The following RBM6 variants were observed in gnomAD, a reference collection of about 807,000 sequenced individuals.
RBM6 encodes the protein RNA binding motif protein 6, also known as RNA-binding protein 6.
RBM6 carries 23 observed loss-of-function variants against 140.4 expected under a neutral mutation model. That is an observed-to-expected ratio of 0.16 (90% CI 0.12 to 0.23). RBM6 has a LOEUF of 0.23. RBM6 is among the 10% of genes least tolerant of loss of function. The probability of loss-of-function intolerance (pLI) is 1.00; values close to 1 mark genes in which losing one functional copy is unlikely to be tolerated. For missense variants in RBM6, 1,139 were observed against 1,386.7 expected (o/e 0.82, Z 2.84); for synonymous variants, 439 against 475.6 (o/e 0.92, Z 1.00).
intron 1 of RBM6, among the ~76,000 whole-genome samples, chr3:49,941,815 G>A (rs1466490370): frequency 1.3e-5 from 2 of 151,608 alleles, no homozygotes; most frequent in African/African-American, 4.8e-5. Flanking sequence ...TGATCCACCT[G>A]CCTTGGCCTC....
intron 1 of RBM6, among the ~76,000 whole-genome samples, chr3:49,959,012 G>A (rs909085057): frequency 3.3e-5 from 5 of 151,808 alleles, no homozygotes; most frequent in Non-Finnish European, 7.4e-5. Context: ...CCAGGCTGGT[G>A]TCGAACTCCT....
At position 50,061,647 on chromosome 3, in the gene RBM6, C is replaced by G. The variant is rs985780875; in HGVS notation, c.2439+100C>G. ...ATTTGCTACTTGAGGATTTTATTCC[C>G]TGGATTCTCTGGATGCTCATTGCAT... On this transcript the variant is annotated intron_variant, in intron 14 of 20. Coordinates refer to ENST00000266022, the MANE Select transcript of RBM6 (RefSeq NM_005777.3). The G allele has an allele frequency of 1.5e-5, 22 of 1,490,778 alleles. No individual in the cohort carries two copies. In the East Asian group the frequency reaches 5.1e-4, roughly 34 times the overall value. 92.3% of individuals were successfully genotyped at this position (1,490,778 alleles called of 1,614,324 possible).
rs1161043183 is a variant in RBM6 at position 49,968,666 on chromosome 3, C to T, written c.1241C>T (p.Pro414Leu). ...TACCGTGATGTGGATCATAGGCTGC[C>T]AGGAAGCCAGATGTTTGGCTATGGC... ...MEYRDVDHRL[P>L]GSQMFGYGQS... Residue 414 changes from proline to leucine, a missense_variant, in exon 3 of 21, where the codon CCA becomes CTA. Physicochemically the swap from Pro to Leu is moderately conservative, Grantham distance 98 (BLOSUM62 -3). This residue lies in a region of RBM6 where 566 missense variants were observed against 612.7 expected (regional missense o/e 0.92). Transcript: ENST00000266022. 1.9e-6 allele frequency: 3 copies of T among 1,613,834 alleles called. No homozygotes were observed. Among genetic ancestry groups the T allele is most frequent in the Admixed American group, 1.7e-5 (1 of 59,976 alleles).
At chr3:49,949,497 A>T (rs1332452506) in intron 1 of RBM6, among the ~76,000 whole-genome samples, 1 of 151,938 alleles carries the variant, frequency 6.6e-6, no homozygotes, top group Non-Finnish European at 1.5e-5. Context: ...GGTTCAAGCG[A>T]TTCTCCTGCC....
At position 49,967,522 on chromosome 3, in the gene RBM6, C is replaced by T; in HGVS notation, c.97C>T (p.Pro33Ser). ...APGWNRDYPPPPLKSHAQERH... is the reference protein window; with the variant it reads ...APGWNRDYPPSPLKSHAQERH... ...CGGGTGGAACAGGGATTATCCTCCT[C>T]CTCCCCTTAAGAGTCATGCTCAAGA... is the stretch of plus-strand genomic sequence containing the variant. The change falls in exon 3 of 21, where the codon CCT becomes TCT. Residue 33 changes from proline (P) to serine (S), a missense_variant. Coordinates refer to ENST00000266022, the MANE Select transcript of RBM6 (RefSeq NM_005777.3). The surrounding 1 kb of genome is among the most constrained non-coding windows in gnomAD (Gnocchi z 4.0). The T allele has an allele frequency of 1.9e-6, 3 of 1,614,150 alleles. No homozygotes were observed. Among genetic ancestry groups the T allele is most frequent in the Non-Finnish European group, 2.5e-6 (3 of 1,180,024 alleles).
At chr3:50,051,780 A>T (rs1440517383) in intron 7 of RBM6, among the ~76,000 whole-genome samples, 2 of 152,270 alleles carry the variant, frequency 1.3e-5, no homozygotes, top group African/African-American at 4.8e-5. Context: ...TGATGGATGG[A>T]TGAACAAGTT....
At chr3:49,969,503 ATATATT>A (rs2084682602) in intron 3 of RBM6, among the ~76,000 whole-genome samples, 1 of 146,986 alleles carries the variant, frequency 6.8e-6, no homozygotes, top group African/African-American at 2.5e-5. Context: ...ATATATGAAT[ATATATT>A]TATATATATA....
At chr3:49,965,606 C>G (rs538751899) in intron 2 of RBM6, among the ~76,000 whole-genome samples, 111 of 151,496 alleles carry the variant, frequency 7.3e-4, no homozygotes, top group African/African-American at 2.6e-3. Context: ...GGAGGCGGAG[C>G]TTGCAGTGAG....
At chr3:50,076,518 G>A (rs1055653698) in intron 20 of RBM6, among the ~76,000 whole-genome samples, 14 of 150,300 alleles carry the variant, frequency 9.3e-5, no homozygotes, top group Non-Finnish European at 1.8e-4. Flanking sequence ...GGAGGCAGAG[G>A]TTGCAGTGAG....
chr3:50,007,815 G>C (rs555069140), intron 6 of RBM6, among the ~76,000 whole-genome samples: 5 of 152,212 alleles, frequency 3.3e-5, no homozygotes, highest in Non-Finnish European at 7.3e-5. Flanking sequence ...TTACAGGCGT[G>C]AGCCACCTCT....
At chr3:50,036,947 A>C (rs1014676261) in intron 6 of RBM6, among the ~76,000 whole-genome samples, 2 of 151,726 alleles carry the variant, frequency 1.3e-5, no homozygotes, top group African/African-American at 4.8e-5. Flanking sequence ...ATGCCCAGCT[A>C]ATTTTTTTTT....
At chr3:50,058,327 G>T in intron 9 of RBM6, 75 bp from the exon 10 acceptor site, 2 of 1,473,364 alleles carry the variant, frequency 1.4e-6, no homozygotes, top group Non-Finnish European at 1.9e-6. Context: ...AAAAATGACA[G>T]TCAGATTCTT....
intron 6 of RBM6, among the ~76,000 whole-genome samples, chr3:50,028,287 G>A (rs1473476017): frequency 1.3e-5 from 2 of 152,106 alleles, no homozygotes; most frequent in African/African-American, 4.8e-5. Context: ...ATATGGTCTA[G>A]TTCCTGAGTT....
At chr3:49,942,739 A>T (rs1332768922) in intron 1 of RBM6, among the ~76,000 whole-genome samples, 1 of 152,120 alleles carries the variant, frequency 6.6e-6, no homozygotes, top group Non-Finnish European at 1.5e-5. Context: ...CTAAAAATAC[A>T]AAAATTAGCC....
intron 6 of RBM6, among the ~76,000 whole-genome samples, chr3:50,022,585 C>T (rs2087556401): frequency 6.6e-6 from 1 of 152,148 alleles, no homozygotes; most frequent in Non-Finnish European, 1.5e-5. Context: ...CTACTTTGGC[C>T]TCCCAAAGTG....
intron 1 of RBM6, among the ~76,000 whole-genome samples, chr3:49,947,112 C>T (rs1405975221): frequency 1.3e-5 from 2 of 148,150 alleles, no homozygotes; most frequent in Admixed American, 6.7e-5. Flanking sequence ...ATTAGCCGGG[C>T]GCAGTGGCAG....
chr3:49,944,557 C>T (rs1156643869), intron 1 of RBM6, among the ~76,000 whole-genome samples: 1 of 148,942 alleles, frequency 6.7e-6, no homozygotes, highest in African/African-American at 2.5e-5. Context: ...CTCACTGCAA[C>T]CTCTGCCTCC....
chr3:50,044,205 C>G (rs1038808950), intron 6 of RBM6, among the ~76,000 whole-genome samples: 17 of 152,074 alleles, frequency 1.1e-4, no homozygotes, highest in African/African-American at 3.9e-4. Context: ...GGAGCCAGAC[C>G]TGGTTAATCA....
chr3:50,063,515 A>C (rs1559648609), intron 15 of RBM6, among the ~76,000 whole-genome samples: 2 of 151,556 alleles, frequency 1.3e-5, no homozygotes, highest in Non-Finnish European at 2.9e-5. Flanking sequence ...AGTTAAGAGG[A>C]TCGCTTGAGC....
Sources: allele counts gnomAD v4.1 joint callset (sites outside exome capture counted in the v4.1 genomes callset), GRCh38; gene constraint gnomAD v4.1.1; regional missense constraint gnomAD v4.1.1; non-coding constraint Gnocchi (gnomAD v3.1); transcripts MANE v1.5; gene names NCBI Gene and HGNC (gene_info 2026-07-23, HGNC 2026-07-21).